GALNT13: variants seen among roughly 807,000 people sequenced by gnomAD.
The protein encoded by GALNT13 is polypeptide N-acetylgalactosaminyltransferase 13.
GALNT13 carries 28 observed loss-of-function variants against 64.2 expected under a neutral mutation model. The observed-to-expected ratio is 0.44, with a 90% confidence interval of 0.32 to 0.60. The LOEUF is 0.60. Among genes scored for constraint, GALNT13 ranks in the 20% least tolerant of loss-of-function variants. The probability of loss-of-function intolerance (pLI) is 0.05; values close to 1 mark genes in which losing one functional copy is unlikely to be tolerated. For synonymous variants in GALNT13, 214 were observed against 224.6 expected (o/e 0.95, Z 0.42); for missense variants, 577 against 669.8 (o/e 0.86, Z 1.53).
At chr2:154,187,640 A>G (rs1288740215) in intron 4 of GALNT13, among the ~76,000 whole-genome samples, 1 of 152,138 alleles carries the variant, frequency 6.6e-6, no homozygotes, top group Non-Finnish European at 1.5e-5. Flanking sequence ...CATTAAAGTT[A>G]TAGGCATTCT....
intron 3 of GALNT13, among the ~76,000 whole-genome samples, chr2:154,110,100 A>G (rs909829274): frequency 1.3e-5 from 2 of 151,428 alleles, no homozygotes; most frequent in African/African-American, 4.9e-5. Flanking sequence ...AGGCATCATC[A>G]GGTTTTCTTT....
chr2:153,702,397 A>C, the GALNT13 span, among the ~76,000 whole-genome samples: 1 of 152,082 alleles, frequency 6.6e-6, no homozygotes, highest in East Asian at 1.9e-4. Context: ...AGGTGCAGCA[A>C]ACCACCATGG....
At chr2:154,076,270 A>C (rs1302749762) in intron 3 of GALNT13, among the ~76,000 whole-genome samples, 1 of 151,794 alleles carries the variant, frequency 6.6e-6, no homozygotes, top group Non-Finnish European at 1.5e-5. Flanking sequence ...TTTGACCAAA[A>C]GAATTCAAAT....
intron 2 of GALNT13, among the ~76,000 whole-genome samples, chr2:153,936,167 T>C (rs1315992591): frequency 6.6e-6 from 1 of 152,120 alleles, no homozygotes; most frequent in African/African-American, 2.4e-5. Flanking sequence ...AAGAACACAA[T>C]AAAAATAGAA....
the GALNT13 span, among the ~76,000 whole-genome samples, chr2:153,390,158 G>A: frequency 5.3e-3 from 810 of 152,220 alleles, 5 homozygotes; most frequent in African/African-American, 0.019. Flanking sequence ...CATGTCTTTT[G>A]CAGGGACATG....
At chr2:154,014,921 C>T (rs1019846734) in intron 3 of GALNT13, among the ~76,000 whole-genome samples, 5 of 152,024 alleles carry the variant, frequency 3.3e-5, no homozygotes, top group African/African-American at 1.2e-4. Context: ...CGTGAGCCAC[C>T]GCGCCCAGCC....
chr2:153,135,927 G>T, the GALNT13 span, among the ~76,000 whole-genome samples: 2 of 152,042 alleles, frequency 1.3e-5, no homozygotes, highest in Non-Finnish European at 2.9e-5. Flanking sequence ...ATAACATGAA[G>T]TACGAAACTC....
intron 4 of GALNT13, among the ~76,000 whole-genome samples, chr2:154,183,785 T>G (rs1686098444): frequency 6.6e-6 from 1 of 152,148 alleles, no homozygotes. Context: ...TTAGTTTCAT[T>G]TTTCTTTTGA....
chr2:153,139,105 G>A, the GALNT13 span, among the ~76,000 whole-genome samples: 2 of 152,016 alleles, frequency 1.3e-5, no homozygotes, highest in Non-Finnish European at 2.9e-5. Context: ...TATTTCATAT[G>A]TTTTGATAGC....
At chr2:153,767,923 T>G in the GALNT13 span, among the ~76,000 whole-genome samples, 1 of 152,176 alleles carries the variant, frequency 6.6e-6, no homozygotes, top group Non-Finnish European at 1.5e-5. Context: ...TGTTGATAAT[T>G]TCTTATGCTG....
chr2:153,290,830 A>G, the GALNT13 span, among the ~76,000 whole-genome samples: 4 of 152,210 alleles, frequency 2.6e-5, no homozygotes, highest in African/African-American at 9.6e-5. Context: ...AAAGAAATAC[A>G]GTATTGATTC....
intron 8 of GALNT13, among the ~76,000 whole-genome samples, chr2:154,267,494 G>T (rs1442674279): frequency 2.0e-5 from 3 of 152,074 alleles, no homozygotes; most frequent in Admixed American, 1.3e-4. Context: ...ACAAAAATTA[G>T]CTGGGCGTGG....
the GALNT13 span, among the ~76,000 whole-genome samples, chr2:153,374,479 C>A: frequency 5.9e-5 from 9 of 151,900 alleles, no homozygotes; most frequent in Non-Finnish European, 1.0e-4. Context: ...GTATATTGAA[C>A]TTGTTATCAG....
chr2:153,621,032 T>C, the GALNT13 span, among the ~76,000 whole-genome samples: 3 of 152,100 alleles, frequency 2.0e-5, no homozygotes, highest in East Asian at 5.8e-4. Flanking sequence ...CTTGATGGTC[T>C]TAGACAAGAT....
chr2:154,414,655 G>A (rs1005407580), intron 11 of GALNT13, among the ~76,000 whole-genome samples: 1 of 151,956 alleles, frequency 6.6e-6, no homozygotes, highest in Non-Finnish European at 1.5e-5. Flanking sequence ...AAATTTTCTA[G>A]TGATATTGTT....
At chr2:153,623,803 A>G in the GALNT13 span, among the ~76,000 whole-genome samples, 1 of 151,948 alleles carries the variant, frequency 6.6e-6, no homozygotes, top group Non-Finnish European at 1.5e-5. Context: ...TTTCCTACTT[A>G]TTTTTTTATA....
At chr2:154,276,665 G>A (rs112217814) in intron 8 of GALNT13, among the ~76,000 whole-genome samples, 2,928 of 152,286 alleles carry the variant, frequency 0.019, 70 homozygotes, top group African/African-American at 0.059. Context: ...TTTGGAAGGG[G>A]CGGAATGATA....
At chr2:153,559,506 G>A in the GALNT13 span, among the ~76,000 whole-genome samples, 1 of 152,040 alleles carries the variant, frequency 6.6e-6, no homozygotes, top group African/African-American at 2.4e-5. Flanking sequence ...TATACAGAGA[G>A]GACTGGACTG....
At chr2:154,394,734 G>A (rs1223715722) in intron 9 of GALNT13, among the ~76,000 whole-genome samples, 1 of 152,052 alleles carries the variant, frequency 6.6e-6, no homozygotes, top group East Asian at 1.9e-4. Context: ...GAATTATTTC[G>A]AAAGCAAATA....
Sources: gnomAD v4.1 joint callset for allele counts (sites outside exome capture counted in the v4.1 genomes callset) on GRCh38, gnomAD v4.1.1 for gene constraint, MANE v1.5 for transcripts, NCBI Gene and HGNC (gene_info 2026-07-23, HGNC 2026-07-21) for gene names.